EVL: variants seen among roughly 807,000 people sequenced by gnomAD.
The protein encoded by EVL is Enah/Vasp-like, also known as ena/VASP-like protein.
Under a neutral mutation model 59.6 loss-of-function variants are expected in EVL, and 21 were observed. That is an observed-to-expected ratio of 0.35 (90% confidence interval 0.25 to 0.51). The LOEUF (loss-of-function observed/expected upper bound fraction) is 0.51. Among genes scored for constraint, EVL ranks in the 20% least tolerant of loss-of-function variants. The probability of loss-of-function intolerance (pLI) is 0.97; values close to 1 mark genes in which losing one functional copy is unlikely to be tolerated. For missense variants in EVL, 462 were observed against 546.6 expected, an observed-to-expected ratio of 0.85 and a Z score of 1.54; for synonymous variants, 198 against 203.5, an observed-to-expected ratio of 0.97 and a Z score of 0.23.
chr14:100,107,168 G>A (rs1886624132), intron 3 of EVL: 6 of 398,652 alleles, frequency 1.5e-5, no homozygotes, highest in African/African-American at 4.1e-5. Flanking sequence ...ACATCCAGCA[G>A]TTTTCCATTA....
At chr14:99,982,089 A>G (rs1208188392) in intron 1 of EVL, among the ~76,000 whole-genome samples, 1 of 152,230 alleles carries the variant, frequency 6.6e-6, no homozygotes, top group Non-Finnish European at 1.5e-5. Context: ...ATGGTATGAT[A>G]TAAAGAAGAC....
At chr14:99,984,635 CAG>C (rs1385280152) in intron 1 of EVL, among the ~76,000 whole-genome samples, 12 of 151,984 alleles carry the variant, frequency 7.9e-5, no homozygotes, top group African/African-American at 2.9e-4. Flanking sequence ...TCATTTGAGA[CAG>C]AGTTTTGCTC....
chr14:100,008,100 T>C (rs1441370070), intron 1 of EVL, among the ~76,000 whole-genome samples: 1 of 152,108 alleles, frequency 6.6e-6, no homozygotes, highest in African/African-American at 2.4e-5. Flanking sequence ...GAACTGCTGG[T>C]GTAGGGCAGT....
intron 1 of EVL, among the ~76,000 whole-genome samples, chr14:99,995,966 T>C (rs1001044005): frequency 1.2e-4 from 18 of 152,164 alleles, no homozygotes; most frequent in African/African-American, 4.1e-4. Context: ...GCACACTCTC[T>C]GGTGCTACAG....
At position 100,034,057 on chromosome 14, in the gene EVL, C is replaced by A. The variant is rs187604521; in HGVS notation, c.6-50630C>A. Reference sequence around the variant, plus strand: ...CCTGGGCAACATGGCAAAACCCCGTCTCTACTAAAAATACAAACAAAAAAC... The same window carrying A: ...CCTGGGCAACATGGCAAAACCCCGTATCTACTAAAAATACAAACAAAAAAC... On this transcript the variant is annotated intron_variant, in intron 1 of 13. Coordinates refer to the EVL transcript ENST00000402714. Among the ~76,000 whole-genome samples, 148 of 151,166 alleles carry A rather than the reference C, an allele frequency of 9.8e-4. 3 individuals are homozygous for A. In the East Asian group the frequency reaches 0.028, roughly 28 times the overall value.
rs3783335 is a variant in EVL, at chr14:100,125,599, G to A, written c.423-1108G>A. 0.015 allele frequency among the ~76,000 whole-genome samples: 2,190 copies of A among 150,596 alleles called. 101 individuals are homozygous for A. The East Asian group carries it at 0.18, about 13-fold the overall frequency. On this transcript the variant is annotated intron_variant, in intron 4 of 13. Coordinates refer to ENST00000392920, the MANE Select transcript of EVL (RefSeq NM_016337.3). ...GAGATGGAGTCTTGCTCTGTCACCC[G>A]GGCTGGAGTGTAGTGACGCAATCTT...
intron 1 of EVL, among the ~76,000 whole-genome samples, chr14:100,081,449 T>G (rs1274927839): frequency 2.1e-5 from 3 of 141,266 alleles, no homozygotes; most frequent in Non-Finnish European, 3.0e-5. Flanking sequence ...ATTCAAAGGG[T>G]GGGGGGAAAC....
At chr14:100,050,774 A>T (rs1199264306) in intron 1 of EVL, among the ~76,000 whole-genome samples, 1 of 132,070 alleles carries the variant, frequency 7.6e-6, no homozygotes, top group East Asian at 2.2e-4. Context: ...ATTGGGTCTC[A>T]CTCTGTCCCC....
rs1333218520 is a variant in EVL at position 100,006,836 on chromosome 14, C to T, written c.5+34779C>T. The stretch of plus-strand genomic sequence containing the variant: ...CAAAAAAAAAAAAAAAGGAGTTGTA[C>T]AGCAAAATAAACTTTAAATCTCATC... On this transcript the variant is annotated intron_variant, in intron 1 of 13. Transcript: ENST00000402714. 2.7e-5 allele frequency among the ~76,000 whole-genome samples: 4 copies of T among 147,096 alleles called. 1 individual carries two copies. The highest frequency in any genetic ancestry group is 1.0e-4 in the African/African-American group (4 of 39,098).
intron 2 of EVL, among the ~76,000 whole-genome samples, chr14:100,091,454 G>A (rs2181100): frequency 0.053 from 8,138 of 152,160 alleles, 279 homozygotes; most frequent in African/African-American, 0.093. Flanking sequence ...GTGGTCAATC[G>A]TACCCATCCA....
intron 2 of EVL, among the ~76,000 whole-genome samples, chr14:100,097,245 C>G (rs955940530): frequency 6.6e-6 from 1 of 152,204 alleles, no homozygotes; most frequent in South Asian, 2.1e-4. Flanking sequence ...AGCTGTTCAT[C>G]TGGAGGTTGT....
chr14:99,973,335 AATG>A (rs1189699309), intron 1 of EVL, among the ~76,000 whole-genome samples: 1 of 152,212 alleles, frequency 6.6e-6, no homozygotes, highest in African/African-American at 2.4e-5. Context: ...GTGATTATGA[AATG>A]ATATCCCATT....
intron 1 of EVL, among the ~76,000 whole-genome samples, chr14:100,082,002 T>A (rs1240873598): frequency 6.6e-6 from 1 of 152,182 alleles, no homozygotes; most frequent in Non-Finnish European, 1.5e-5. Flanking sequence ...TATGTGCCTG[T>A]AGTCCCAGCT....
Position 100,056,939 on chromosome 14 carries a change from A to T in EVL, c.6-27748A>T, listed in dbSNP as rs140810716. 4.6e-5 allele frequency among the ~76,000 whole-genome samples: 7 copies of T among 152,352 alleles called. No individual in the cohort carries two copies. In the East Asian group the frequency reaches 1.3e-3, roughly 29 times the overall value. ...ATAAAAAATGATAGTCCCTTCCTAA[A>T]GGGTAATGCTCTGTGACCACTAAAT... is the stretch of plus-strand genomic sequence containing the variant. On this transcript the variant is annotated intron_variant, in intron 1 of 13. Transcript: ENST00000402714.
At chr14:100,016,530 AAAAC>A (rs1476662533) in intron 1 of EVL, among the ~76,000 whole-genome samples, 11 of 152,366 alleles carry the variant, frequency 7.2e-5, no homozygotes, top group South Asian at 6.2e-4. Flanking sequence ...TCCGGCTCAA[AAAAC>A]AAACAAACGT....
chr14:100,012,217 G>C (rs565572037), intron 1 of EVL, among the ~76,000 whole-genome samples: 3 of 152,102 alleles, frequency 2.0e-5, no homozygotes, highest in Non-Finnish European at 4.4e-5. Context: ...TCATATACTT[G>C]GTATTGATTT....
intron 2 of EVL, among the ~76,000 whole-genome samples, chr14:100,088,745 A>G (rs1316834314): frequency 6.6e-6 from 1 of 152,216 alleles, no homozygotes; most frequent in Non-Finnish European, 1.5e-5. Context: ...ATGAAGAGGA[A>G]AGGCACTCCT....
At chr14:100,141,335 T>C in intron 12 of EVL, 89 bp downstream of exon 12, 1 of 1,450,830 alleles carries the variant, frequency 6.9e-7, no homozygotes, top group Non-Finnish European at 9.5e-7. Flanking sequence ...AGGCAGGCCC[T>C]GGGGGCCCAC....
chr14:100,035,338 G>GTTTT (rs33999027), intron 1 of EVL, among the ~76,000 whole-genome samples: 1 of 149,146 alleles, frequency 6.7e-6, no homozygotes, highest in Non-Finnish European at 1.5e-5. Flanking sequence ...CAGTGTATGT[G>GTTTT]TTTTTTTTTC....
Sources: gnomAD v4.1 joint callset for allele counts (sites outside exome capture counted in the v4.1 genomes callset) on GRCh38, gnomAD v4.1.1 for gene constraint, MANE v1.5 for transcripts, NCBI Gene and HGNC (gene_info 2026-07-23, HGNC 2026-07-21) for gene names.